Variants in FBXO34 observed in about 807,000 individuals in gnomAD.
FBXO34 encodes F-box only protein 34.
A neutral mutation model predicts 24.5 loss-of-function variants in FBXO34; 12 were observed. The ratio of observed to expected loss-of-function variants is 0.49; its 90% CI spans 0.31 to 0.79. FBXO34 has a LOEUF of 0.79. Ranked by LOEUF, FBXO34 falls within the 30% of genes least tolerant of loss-of-function variation. FBXO34 has a pLI of 0.04. For missense variants in FBXO34, 823 were observed against 857.7 expected, an observed-to-expected ratio of 0.96 and a Z score of 0.51; for synonymous variants, 320 against 311.9, an observed-to-expected ratio of 1.03 and a Z score of -0.27.
intron 1 of FBXO34, among the ~76,000 whole-genome samples, chr14:55,346,134 TTAATA>T (rs1396292175): frequency 6.6e-6 from 1 of 152,254 alleles, no homozygotes; most frequent in African/African-American, 2.4e-5. Flanking sequence ...AAATTGTATC[TTAATA>T]TAATTGGCTT....
chr14:55,356,167 T>G (rs1217753729), downstream of FBXO34, among the ~76,000 whole-genome samples: 1 of 152,188 alleles, frequency 6.6e-6, no homozygotes, highest in Non-Finnish European at 1.5e-5. Flanking sequence ...GTGCCAACCT[T>G]TTTGGACCAG....
the FBXO34 span, among the ~76,000 whole-genome samples, chr14:55,404,898 TA>T: frequency 6.6e-6 from 1 of 152,164 alleles, no homozygotes; most frequent in Non-Finnish European, 1.5e-5. Context: ...TTCCTCTGCT[TA>T]AAATACATTA....
chr14:55,369,764 T>C (rs779821058), downstream of FBXO34: 5 of 1,614,156 alleles, frequency 3.1e-6, no homozygotes, highest in Non-Finnish European at 4.2e-6. Flanking sequence ...GGAAGGGATA[T>C]CACAAAACCG....
At chr14:55,301,628 T>A (rs940762865) in intron 1 of FBXO34, among the ~76,000 whole-genome samples, 8 of 152,214 alleles carry the variant, frequency 5.3e-5, no homozygotes, top group Non-Finnish European at 1.2e-4. Context: ...GAGACTTGAA[T>A]GTTAATTTCC....
the FBXO34 span, chr14:55,433,701 C>T: frequency 1.2e-6 from 2 of 1,614,050 alleles, no homozygotes; most frequent in Non-Finnish European, 1.7e-6. Flanking sequence ...CTCGGATCCT[C>T]ATTATGACAG....
chr14:55,419,912 T>C, the FBXO34 span, among the ~76,000 whole-genome samples: 3 of 152,240 alleles, frequency 2.0e-5, no homozygotes, highest in Admixed American at 6.5e-5. Context: ...ATTGAGATAC[T>C]GCTTTCAGAA....
At chr14:55,437,606 C>T in the FBXO34 span, among the ~76,000 whole-genome samples, 23 of 152,356 alleles carry the variant, frequency 1.5e-4, 4 homozygotes, top group Admixed American at 1.1e-3. Context: ...TTGCCACTCT[C>T]TAAGTCCAAT....
At chr14:55,339,019 G>A (rs994128743) in intron 1 of FBXO34, among the ~76,000 whole-genome samples, 5 of 152,126 alleles carry the variant, frequency 3.3e-5, no homozygotes, top group Admixed American at 2.6e-4. Context: ...GCTGGTAGCA[G>A]TGAAAATTAG....
chr14:55,340,124 G>A (rs1323108833), intron 1 of FBXO34, among the ~76,000 whole-genome samples: 1 of 152,174 alleles, frequency 6.6e-6, no homozygotes, highest in Non-Finnish European at 1.5e-5. Context: ...AACTGGGCTT[G>A]TAGCTACCCT....
chr14:55,395,590 A>AGATG, the FBXO34 span, among the ~76,000 whole-genome samples: 1 of 152,254 alleles, frequency 6.6e-6, no homozygotes, highest in African/African-American at 2.4e-5. Flanking sequence ...CCCCACTCCA[A>AGATG]GATTATGTAA....
At chr14:55,315,633 T>C (rs1391243910) in intron 1 of FBXO34, among the ~76,000 whole-genome samples, 3 of 152,218 alleles carry the variant, frequency 2.0e-5, no homozygotes, top group African/African-American at 7.2e-5. Context: ...GGTATAAAAT[T>C]TAGCTTGAAA....
chr14:55,363,987 C>T (rs1034262181), downstream of FBXO34, among the ~76,000 whole-genome samples: 1 of 151,904 alleles, frequency 6.6e-6, no homozygotes, highest in Non-Finnish European at 1.5e-5. Context: ...TCTTGTTGCC[C>T]AGGCTGGACT....
At chr14:55,336,766 C>G (rs1883790424) in intron 1 of FBXO34, among the ~76,000 whole-genome samples, 1 of 150,796 alleles carries the variant, frequency 6.6e-6, no homozygotes, top group African/African-American at 2.4e-5. Context: ...CAGGATGTAT[C>G]TGTAAGAGAT....
intron 1 of FBXO34, among the ~76,000 whole-genome samples, chr14:55,299,588 C>T (rs1443991471): frequency 6.6e-6 from 1 of 152,136 alleles, no homozygotes; most frequent in African/African-American, 2.4e-5. Context: ...ACCACAGTGC[C>T]ATTATCCCCA....
the FBXO34 span, among the ~76,000 whole-genome samples, chr14:55,388,935 A>C: frequency 3.3e-5 from 5 of 152,180 alleles, no homozygotes; most frequent in Non-Finnish European, 7.3e-5. Context: ...AATACAGAGT[A>C]AGCACGTTGA....
At chr14:55,284,513 CAAAAA>C (rs777112072) in intron 1 of FBXO34, among the ~76,000 whole-genome samples, 1 of 84,158 alleles carries the variant, frequency 1.2e-5, no homozygotes, top group Non-Finnish European at 2.4e-5. Context: ...CCTCTGTCTC[CAAAAA>C]AAAAAAAAAA....
intron 1 of FBXO34, among the ~76,000 whole-genome samples, chr14:55,309,567 A>G (rs571226815): frequency 1.3e-5 from 2 of 152,348 alleles, no homozygotes; most frequent in East Asian, 3.9e-4. Flanking sequence ...GCCAAGAACA[A>G]AAGTTACCCA....
At chr14:55,405,502 A>G in the FBXO34 span, among the ~76,000 whole-genome samples, 2 of 152,174 alleles carry the variant, frequency 1.3e-5, no homozygotes, top group Non-Finnish European at 2.9e-5. Context: ...TCTCTTTTTA[A>G]TCCACATGTG....
At chr14:55,283,042 T>C (rs1881613634) in intron 1 of FBXO34, among the ~76,000 whole-genome samples, 1 of 152,222 alleles carries the variant, frequency 6.6e-6, no homozygotes, top group Admixed American at 6.5e-5. Flanking sequence ...CCCTAGTCAC[T>C]TTAACCCTAG....
Sources: gnomAD v4.1 joint callset for allele counts (sites outside exome capture counted in the v4.1 genomes callset) on GRCh38, gnomAD v4.1.1 for gene constraint, MANE v1.5 for transcripts, NCBI Gene and HGNC (gene_info 2026-07-23, HGNC 2026-07-21) for gene names.